Variants in MAP2K1 observed in about 807,000 individuals in gnomAD.
MAP2K1 encodes mitogen-activated protein kinase kinase 1, also known as dual specificity mitogen-activated protein kinase kinase 1.
A neutral mutation model predicts 46.3 loss-of-function variants in MAP2K1; 16 were observed. The ratio of observed to expected loss-of-function variants is 0.35; its 90% CI spans 0.23 to 0.52. MAP2K1 has a LOEUF of 0.52. Among genes scored for constraint, MAP2K1 ranks in the 20% least tolerant of loss-of-function variants. The pLI is 0.94. For missense variants in MAP2K1, 263 were observed against 497.1 expected (o/e 0.53, Z 4.48); for synonymous variants, 183 against 185.6 (o/e 0.99, Z 0.11).
At chr15:66,391,796 A>G in intron 1 of MAP2K1, among the ~76,000 whole-genome samples, 1 of 152,104 alleles carries the variant, frequency 6.6e-6, no homozygotes, top group East Asian at 1.9e-4. Context: ...AACCATTCTA[A>G]GATATTTATA....
chr15:66,403,683 A>G (rs2140528625), intron 1 of MAP2K1, among the ~76,000 whole-genome samples: 1 of 152,312 alleles, frequency 6.6e-6, no homozygotes, highest in Admixed American at 6.5e-5. Context: ...AGTTGTGGAG[A>G]GAAGACATGA....
chr15:66,469,502 T>TTTTTTTTTG (rs1892560764), intron 5 of MAP2K1, among the ~76,000 whole-genome samples: 1 of 138,558 alleles, frequency 7.2e-6, no homozygotes, highest in African/African-American at 2.6e-5. Flanking sequence ...TTTTTTTTGT[T>TTTTTTTTTG]GAGGAACTCC....
chr15:66,413,425 C>T (rs1352985504), intron 1 of MAP2K1, among the ~76,000 whole-genome samples: 1 of 152,144 alleles, frequency 6.6e-6, no homozygotes, highest in Admixed American at 6.5e-5. Context: ...CTGCTCTAGC[C>T]AGAATGAAAA....
chr15:66,430,647 C>G (rs2093472980), intron 1 of MAP2K1, among the ~76,000 whole-genome samples: 1 of 152,128 alleles, frequency 6.6e-6, no homozygotes, highest in South Asian at 2.1e-4. Flanking sequence ...GTGAACTTGT[C>G]CCTTTGGGCC....
Position 66,423,067 on chromosome 15 carries a change from T to C in MAP2K1, c.81-11960T>C, listed in dbSNP as rs568862334. Among the ~76,000 whole-genome samples, 357 of 152,018 alleles carry C rather than the reference T, an allele frequency of 2.3e-3. 1 individual carries two copies. Among genetic ancestry groups the C allele is most frequent in the African/African-American group, 7.7e-3 (317 of 41,432 alleles). ...CCTCCTGCCTTGGCCTCCCAAAATATTGGTATTACAAGCATGAGCCACCGT... is the reference window on the plus strand; with the variant it reads ...CCTCCTGCCTTGGCCTCCCAAAATACTGGTATTACAAGCATGAGCCACCGT... On this transcript the variant is annotated intron_variant, in intron 1 of 10. Coordinates refer to ENST00000307102, the MANE Select transcript of MAP2K1 (RefSeq NM_002755.4).
At chr15:66,465,377 G>C (rs1892437155) in intron 5 of MAP2K1, among the ~76,000 whole-genome samples, 3 of 152,198 alleles carry the variant, frequency 2.0e-5, no homozygotes, top group Non-Finnish European at 2.9e-5. Context: ...GATTGAGCAA[G>C]TGGGGTACAC....
chr15:66,443,530 C>T (rs1159485042), intron 4 of MAP2K1, among the ~76,000 whole-genome samples, 173 bp downstream of exon 4: 1 of 151,804 alleles, frequency 6.6e-6, no homozygotes, highest in African/African-American at 2.4e-5. Context: ...TATTCTCTCT[C>T]ACATTAGAAT....
At chr15:66,480,010 T>C (rs1892875849) in intron 5 of MAP2K1, among the ~76,000 whole-genome samples, 1 of 152,120 alleles carries the variant, frequency 6.6e-6, no homozygotes, top group South Asian at 2.1e-4. Flanking sequence ...GTTCAAGTGA[T>C]TCTCCTGCCT....
At chr15:66,392,265 T>TG (rs1209857277) in intron 1 of MAP2K1, among the ~76,000 whole-genome samples, 4 of 133,574 alleles carry the variant, frequency 3.0e-5, no homozygotes, top group African/African-American at 5.6e-5. Flanking sequence ...GTTTTTTTTT[T>TG]TTTTTTTTTT....
In MAP2K1 at chr15:66,412,805, A is replaced by C. The variant is rs1383316422; in HGVS notation, c.81-22222A>C. ...ACTCCTGGCTTCAAGCCATCCTTACATCTCAGCCTCCTGAGTAGCTGGGAC... is the reference window on the plus strand; with the variant it reads ...ACTCCTGGCTTCAAGCCATCCTTACCTCTCAGCCTCCTGAGTAGCTGGGAC... On this transcript the variant is annotated intron_variant, in intron 1 of 10. Transcript: ENST00000307102. 3.9e-5 allele frequency among the ~76,000 whole-genome samples: 6 copies of C among 152,028 alleles called. No individual in the cohort carries two copies. In the East Asian group the frequency reaches 1.2e-3, roughly 29 times the overall value.
intron 4 of MAP2K1, among the ~76,000 whole-genome samples, chr15:66,444,265 G>A (rs1355479007): frequency 1.3e-5 from 2 of 148,420 alleles, no homozygotes; most frequent in African/African-American, 5.0e-5. Flanking sequence ...CAGGCACGGT[G>A]GCTTACACCT....
intron 1 of MAP2K1, among the ~76,000 whole-genome samples, chr15:66,391,526 G>A (rs1168186080): frequency 6.6e-6 from 1 of 152,164 alleles, no homozygotes; most frequent in Non-Finnish European, 1.5e-5. Flanking sequence ...CTGATCTCGT[G>A]ATCCCAAAGT....
At chr15:66,477,453 T>C (rs1046544058) in intron 5 of MAP2K1, among the ~76,000 whole-genome samples, 1 of 152,192 alleles carries the variant, frequency 6.6e-6, no homozygotes, top group African/African-American at 2.4e-5. Context: ...TGTCTATTCC[T>C]ATAACATGGT....
chr15:66,447,696 A>AAG (rs1301028510), intron 5 of MAP2K1, among the ~76,000 whole-genome samples: 1 of 151,472 alleles, frequency 6.6e-6, no homozygotes, highest in Non-Finnish European at 1.5e-5. Flanking sequence ...CAAAAAAAAA[A>AAG]AAAAAGTTTA....
intron 1 of MAP2K1, among the ~76,000 whole-genome samples, chr15:66,392,597 A>G (rs1481727553): frequency 7.3e-6 from 1 of 136,780 alleles, no homozygotes; most frequent in East Asian, 2.1e-4. Context: ...CTTGTTGCCC[A>G]GGCTGGAGTG....
intron 1 of MAP2K1, among the ~76,000 whole-genome samples, chr15:66,432,946 C>T (rs946977850): frequency 2.3e-5 from 3 of 130,532 alleles, no homozygotes; most frequent in African/African-American, 8.2e-5. Flanking sequence ...CCTTCCATTC[C>T]CCCATCATGC....
intron 6 of MAP2K1, among the ~76,000 whole-genome samples, chr15:66,484,240 C>G (rs971349268): frequency 3.2e-4 from 48 of 151,906 alleles, no homozygotes; most frequent in South Asian, 4.2e-4. Flanking sequence ...CTCTGCCTCC[C>G]GGGTTCAAGT....
At chr15:66,406,627 T>C (rs2140531825) in intron 1 of MAP2K1, among the ~76,000 whole-genome samples, 1 of 152,276 alleles carries the variant, frequency 6.6e-6, no homozygotes. Flanking sequence ...TGTGCATGAG[T>C]ATGCTCAGAG....
rs200590494 is a variant in MAP2K1 at position 66,449,477 on chromosome 15, AAAGTGCAT to A, written c.568+4774_568+4781del. 8.7e-3 allele frequency among the ~76,000 whole-genome samples: 1,322 copies of A among 152,352 alleles called. 15 individuals are homozygous for A. Among genetic ancestry groups the A allele is most frequent in the African/African-American group, 0.03 (1,244 of 41,576 alleles). On this transcript the variant is annotated intron_variant, in intron 5 of 10. Coordinates refer to ENST00000307102, the MANE Select transcript of MAP2K1 (RefSeq NM_002755.4). ...TTAGAGGTAGGGATAGTTTAACATC[AAAGTGCAT>A]AAGGGAACTTTTTTGGAGTAATAGA...
Sources: gnomAD v4.1 joint callset for allele counts (sites outside exome capture counted in the v4.1 genomes callset) on GRCh38, gnomAD v4.1.1 for gene constraint, MANE v1.5 for transcripts, NCBI Gene and HGNC (gene_info 2026-07-23, HGNC 2026-07-21) for gene names.